Variants in JPH3 observed in about 807,000 individuals in gnomAD.
The protein encoded by JPH3 is junctophilin 3, also known as junctophilin-3.
JPH3 carries 11 observed loss-of-function variants against 59.6 expected under a neutral mutation model. The observed-to-expected ratio is 0.18, with a 90% CI of 0.12 to 0.31. JPH3 has a LOEUF of 0.31. Ranked by LOEUF, JPH3 falls within the 10% of genes least tolerant of loss-of-function variation. The pLI is 1.00. For synonymous variants in JPH3, 673 were observed against 483.6 expected (o/e 1.39, Z -5.14); for missense variants, 1,202 against 1,105.7 (o/e 1.09, Z -1.24).
chr16:87,633,759 C>G (rs981068318), intron 1 of JPH3, among the ~76,000 whole-genome samples: 8 of 152,024 alleles, frequency 5.3e-5, no homozygotes, highest in African/African-American at 1.7e-4. Flanking sequence ...AGATCACACA[C>G]TGCACTCCAG....
rs951622602 is a variant in JPH3, at chr16:87,644,805, G to C, written c.930G>C (p.Lys310Asn). The C allele has an allele frequency of 6.2e-7, 1 of 1,613,272 alleles. No individual in the cohort carries two copies. The highest frequency in any genetic ancestry group is 8.5e-7 in the Non-Finnish European group (1 of 1,179,806). Reference sequence around the variant, plus strand: ...TGAGCCAGCGCTCGGACGGGCTCAAGTACGAGGGCGAGTGGGCCAGCAACC... The same window carrying C: ...TGAGCCAGCGCTCGGACGGGCTCAACTACGAGGGCGAGTGGGCCAGCAACC... Reference protein sequence around the residue: ...FGVSQRSDGLKYEGEWASNRR... With the variant: ...FGVSQRSDGLNYEGEWASNRR... Residue 310 changes from lysine to asparagine, a missense_variant, in exon 2 of 5, where the codon AAG (lysine) becomes AAC (asparagine). Physicochemically the swap from Lys to Asn is moderately conservative, Grantham distance 94. Transcript: ENST00000284262.
intron 1 of JPH3, among the ~76,000 whole-genome samples, chr16:87,628,204 T>C (rs2031446832): frequency 1.3e-5 from 2 of 152,266 alleles, no homozygotes; most frequent in Non-Finnish European, 2.9e-5. Context: ...CTCCTGAGCC[T>C]GTGCGTCTGA....
At chr16:87,641,645 CAG>C (rs554574447) in intron 1 of JPH3, among the ~76,000 whole-genome samples, 204 of 152,372 alleles carry the variant, frequency 1.3e-3, no homozygotes, top group African/African-American at 4.8e-3. Context: ...AAGCTGCCCT[CAG>C]AGGCTGCGTT....
At chr16:87,641,208 C>T (rs540763143) in intron 1 of JPH3, among the ~76,000 whole-genome samples, 10 of 152,244 alleles carry the variant, frequency 6.6e-5, no homozygotes, top group East Asian at 3.9e-4. Flanking sequence ...CCCTGGGGTC[C>T]GGTCCACATA....
At chr16:87,645,744 A>C (rs2032125816) in intron 2 of JPH3, among the ~76,000 whole-genome samples, 1 of 151,958 alleles carries the variant, frequency 6.6e-6, no homozygotes. Flanking sequence ...GGGCTGGAGG[A>C]AGGTGCCCAG....
At chr16:87,604,115 G>A (rs2030386780) in intron 1 of JPH3, 1 of 1,329,950 alleles carries the variant, frequency 7.5e-7, no homozygotes, top group African/African-American at 1.5e-5. Context: ...TAGCGCTGTC[G>A]AAGCAGGCTG....
At chr16:87,684,409 C>T (rs2033367793) in intron 3 of JPH3, 143 bp downstream of exon 3, 1 of 1,349,728 alleles carries the variant, frequency 7.4e-7, no homozygotes, top group African/African-American at 1.5e-5. Context: ...GTGTCTTCCT[C>T]TCCCGCCGAA....
At chr16:87,689,503 C>CTCCT (rs2033503378) in intron 3 of JPH3, 143 bp from the exon 4 acceptor site, 1 of 903,466 alleles carries the variant, frequency 1.1e-6, no homozygotes, top group Admixed American at 2.3e-5. Flanking sequence ...CCCCACTCCC[C>CTCCT]TCCCTTGCCT....
chr16:87,651,557 C>T (rs918469468), intron 2 of JPH3, among the ~76,000 whole-genome samples: 5 of 152,188 alleles, frequency 3.3e-5, no homozygotes, highest in Admixed American at 3.3e-4. Flanking sequence ...TTGATTCCAG[C>T]CCTCATGGAC....
rs772125109 is a variant in JPH3 at position 87,603,242 on chromosome 16, C to T, written c.96C>T (p.Gly32=). 1.9e-6 allele frequency: 3 copies of T among 1,613,738 alleles called. No individual in the cohort carries two copies. The African/African-American group carries it at 4.0e-5, about 22-fold the overall frequency. The change falls in exon 1 of 5, where the codon GGC becomes GGT. Residue 32 remains glycine (G), a synonymous_variant. Transcript: ENST00000284262. The stretch of plus-strand genomic sequence containing the variant: ...CGCACGGCCATGGCGTCTGCACCGG[C>T]CCCAAGGGCCAAGGCGAATACACCG... ...GKAHGHGVCT[G]PKGQGEYTGS...
chr16:87,648,237 T>G (rs938692123), intron 2 of JPH3, among the ~76,000 whole-genome samples: 1 of 147,860 alleles, frequency 6.8e-6, no homozygotes, highest in African/African-American at 2.5e-5. Flanking sequence ...ACTTAGAATT[T>G]GGGGAAAAAA....
chr16:87,656,927 C>T (rs947432720), intron 2 of JPH3, among the ~76,000 whole-genome samples: 4 of 152,144 alleles, frequency 2.6e-5, no homozygotes, highest in Admixed American at 6.5e-5. Flanking sequence ...CGGGGCTTTC[C>T]TTGGTGCATG....
At position 87,611,375 on chromosome 16, in the gene JPH3, AGGGTGAGAGTT is replaced by A. The variant is rs745776177; in HGVS notation, c.382+7849_382+7859del. On this transcript the variant is annotated intron_variant, in intron 1 of 4. Transcript: ENST00000284262. The surrounding 1 kb of genome is among the most constrained non-coding windows in gnomAD (Gnocchi z 4.5). ...CCTGAGTTGAGTCTGGAAGGGCAGTAGGGTGAGAGTTGTTATCCCAAGCCTGAGGCTGCAGA... is the reference window on the plus strand; with the variant it reads ...CCTGAGTTGAGTCTGGAAGGGCAGTAGTTATCCCAAGCCTGAGGCTGCAGA... Among the ~76,000 whole-genome samples the A allele has an allele frequency of 1.8e-4, 28 of 152,166 alleles. No homozygotes were observed. Among genetic ancestry groups the A allele is most frequent in the Non-Finnish European group, 3.2e-4 (22 of 68,024 alleles).
chr16:87,644,529 G>T lies in JPH3; in HGVS notation c.654G>T (p.Ser218=). ...AGAAGAAGGGGCTGTTTCGGCGCTC[G>T]CTGCTGAGTGGGCTGAAGCTGCGCA... ...KSKKKGLFRR[S]LLSGLKLRKS... is the part of the protein sequence containing the mutation. Residue 218 remains serine (S), a synonymous_variant, in exon 2 of 5, where the codon TCG becomes TCT. Transcript: ENST00000284262. 1 of 1,612,870 alleles carries T rather than the reference G, an allele frequency of 6.2e-7. No individual in the cohort carries two copies. Among genetic ancestry groups the T allele is most frequent in the East Asian group, 2.2e-5 (1 of 44,804 alleles).
chr16:87,688,689 C>T (rs1007810055), intron 3 of JPH3, among the ~76,000 whole-genome samples: 3 of 152,094 alleles, frequency 2.0e-5, no homozygotes, highest in Non-Finnish European at 2.9e-5. Flanking sequence ...CATTTTGGCT[C>T]GGGCAGGACG....
At chr16:87,657,094 A>C (rs1203667283) in intron 2 of JPH3, among the ~76,000 whole-genome samples, 2 of 152,124 alleles carry the variant, frequency 1.3e-5, no homozygotes. Context: ...TAGGAACCTG[A>C]GGGGGACTCA....
At chr16:87,615,891 G>A (rs1057208522) in intron 1 of JPH3, among the ~76,000 whole-genome samples, 3 of 152,200 alleles carry the variant, frequency 2.0e-5, no homozygotes, top group Admixed American at 6.5e-5. Flanking sequence ...GGAGACCTCC[G>A]GAAATCATGG....
Position 87,697,464 on chromosome 16 carries a change from GGGGCTGTGCCGTGGAGCTGGGCTCGCGCC to G in JPH3, c.*808_*836del, listed in dbSNP as rs2142860943. On this transcript the variant is annotated 3_prime_UTR_variant, in exon 5 of 5. Coordinates refer to ENST00000284262, the MANE Select transcript of JPH3 (RefSeq NM_020655.4). ...GGCTCAGCTAAGCACGGAAGCCAAGGGGGCTGTGCCGTGGAGCTGGGCTCGCGCCGGGGCTCTGGGTGTGTGCGCTTGGC... is the reference window on the plus strand; with the variant it reads ...GGCTCAGCTAAGCACGGAAGCCAAGGGGGGCTCTGGGTGTGTGCGCTTGGC... 6.6e-6 allele frequency: 1 copy of G among 152,514 alleles called. No individual in the cohort carries two copies. The highest frequency in any genetic ancestry group is 2.4e-5 in the African/African-American group (1 of 41,578). 9.4% of individuals were successfully genotyped at this position (152,514 alleles called of 1,614,324 possible). A position where few individuals can be genotyped will look rare whatever the true frequency, so the allele number is the denominator to read the frequency against.
intron 2 of JPH3, among the ~76,000 whole-genome samples, chr16:87,681,942 G>A (rs1043669006): frequency 2.6e-5 from 4 of 152,136 alleles, no homozygotes; most frequent in African/African-American, 9.7e-5. Flanking sequence ...TTGGGGCATC[G>A]CAAATCCTCC....
Sources: gnomAD v4.1 joint callset for allele counts (sites outside exome capture counted in the v4.1 genomes callset) on GRCh38, gnomAD v4.1.1 for gene constraint, Gnocchi (gnomAD v3.1) non-coding constraint, MANE v1.5 for transcripts, NCBI Gene and HGNC (gene_info 2026-07-23, HGNC 2026-07-21) for gene names.